NRXN1: variants seen among roughly 807,000 people sequenced by gnomAD.
The protein encoded by NRXN1 is neurexin-1.
Under a neutral mutation model 150.9 loss-of-function variants are expected in NRXN1, and 39 were observed. That is an observed-to-expected ratio of 0.26 (90% CI 0.20 to 0.34). The LOEUF (loss-of-function observed/expected upper bound fraction) is 0.34, where lower values mean the gene tolerates loss of function less well. Ranked by LOEUF, NRXN1 falls within the 10% of genes least tolerant of loss-of-function variation. NRXN1 has a pLI of 1.00. For synonymous variants in NRXN1, 924 were observed against 757.0 expected (o/e 1.22, Z -3.62); for missense variants, 1,815 against 1,949.9 (o/e 0.93, Z 1.30).
At chr2:50,419,966 C>T (rs1194245153) in intron 17 of NRXN1, among the ~76,000 whole-genome samples, 5 of 152,074 alleles carry the variant, frequency 3.3e-5, no homozygotes, top group Admixed American at 6.6e-5. Context: ...AAACAGAACA[C>T]GTGATCTGGC....
At chr2:50,588,151 G>A (rs911804879) in intron 8 of NRXN1, among the ~76,000 whole-genome samples, 4 of 152,110 alleles carry the variant, frequency 2.6e-5, no homozygotes, top group South Asian at 4.1e-4. Flanking sequence ...TATGTTCTAG[G>A]AGAGTTAAAA....
At chr2:50,232,479 T>G (rs548608539) in intron 18 of NRXN1, among the ~76,000 whole-genome samples, 39 of 149,102 alleles carry the variant, frequency 2.6e-4, no homozygotes, top group African/African-American at 9.1e-4. Context: ...CTCCACCTTC[T>G]GGGTTCAAAC....
chr2:50,612,249 G>C (rs1243283405), intron 8 of NRXN1, among the ~76,000 whole-genome samples: 1 of 104,254 alleles, frequency 9.6e-6, no homozygotes, highest in Non-Finnish European at 2.3e-5. Flanking sequence ...TTCATGCTTA[G>C]AGTATTACCT....
At chr2:50,215,379 CA>C (rs1271761873) in intron 18 of NRXN1, among the ~76,000 whole-genome samples, 1 of 152,006 alleles carries the variant, frequency 6.6e-6, no homozygotes, top group Non-Finnish European at 1.5e-5. Flanking sequence ...TAAAGCTCAA[CA>C]AATGAATCCA....
At chr2:49,982,887 T>C (rs944419130) in intron 21 of NRXN1, among the ~76,000 whole-genome samples, 2 of 152,146 alleles carry the variant, frequency 1.3e-5, no homozygotes, top group Non-Finnish European at 2.9e-5. Flanking sequence ...CTTGAAACAA[T>C]CTGTTAAACT....
At chr2:49,940,680 ATTTCTGCCC>A (rs1357812043) in intron 22 of NRXN1, among the ~76,000 whole-genome samples, 1 of 152,184 alleles carries the variant, frequency 6.6e-6, no homozygotes, top group Non-Finnish European at 1.5e-5. Context: ...AATAAAACCA[ATTTCTGCCC>A]AAAGAGCCAC....
chr2:50,534,130 T>A (rs376120207), intron 10 of NRXN1, among the ~76,000 whole-genome samples: 2 of 138,530 alleles, frequency 1.4e-5, no homozygotes, highest in East Asian at 4.2e-4. Context: ...CACACACACA[T>A]ACACACACAG....
At chr2:50,140,579 T>G (rs1286623089) in intron 18 of NRXN1, among the ~76,000 whole-genome samples, 1 of 152,054 alleles carries the variant, frequency 6.6e-6, no homozygotes, top group Non-Finnish European at 1.5e-5. Context: ...CTTCCCTGTT[T>G]CAAGGCAGTA....
intron 2 of NRXN1, among the ~76,000 whole-genome samples, chr2:50,965,899 G>C (rs922839587): frequency 1.3e-5 from 2 of 151,388 alleles, no homozygotes; most frequent in African/African-American, 4.8e-5. Flanking sequence ...TTAGTTTTAT[G>C]TATTTATATT....
intron 2 of NRXN1, among the ~76,000 whole-genome samples, chr2:50,926,796 A>G (rs930666241): frequency 2.0e-5 from 3 of 151,900 alleles, no homozygotes; most frequent in African/African-American, 7.2e-5. Flanking sequence ...ATGTTTTCAT[A>G]TATTTTGTTA....
intron 2 of NRXN1, among the ~76,000 whole-genome samples, chr2:51,005,341 T>C (rs900601125): frequency 1.3e-5 from 2 of 152,050 alleles, no homozygotes; most frequent in African/African-American, 4.8e-5. Context: ...TATACTGATA[T>C]TTCTATATGT....
At chr2:50,430,547 T>C (rs2084882279) in intron 17 of NRXN1, among the ~76,000 whole-genome samples, 1 of 152,172 alleles carries the variant, frequency 6.6e-6, no homozygotes, top group South Asian at 2.1e-4. Context: ...AGTGATGTCT[T>C]GGTATAGTTT....
chr2:50,876,973 C>T (rs1344093469), intron 5 of NRXN1, among the ~76,000 whole-genome samples: 1 of 151,796 alleles, frequency 6.6e-6, no homozygotes, highest in Non-Finnish European at 1.5e-5. Flanking sequence ...AGTTCAGTTA[C>T]TTCTTATTTT....
At chr2:50,358,506 C>T (rs1343908813) in intron 17 of NRXN1, among the ~76,000 whole-genome samples, 6 of 152,182 alleles carry the variant, frequency 3.9e-5, no homozygotes, top group Non-Finnish European at 5.9e-5. Context: ...ACCACAAAGC[C>T]GCTATAGCCA....
intron 5 of NRXN1, among the ~76,000 whole-genome samples, chr2:50,848,596 G>T (rs1199831527): frequency 1.3e-5 from 2 of 151,938 alleles, no homozygotes; most frequent in African/African-American, 4.8e-5. Context: ...AACCCTGTGG[G>T]GTTTTCAGTT....
intron 11 of NRXN1, among the ~76,000 whole-genome samples, chr2:50,530,458 A>T (rs2093069205): frequency 6.6e-6 from 1 of 152,198 alleles, no homozygotes; most frequent in African/African-American, 2.4e-5. Context: ...AAAAATAAAA[A>T]CTGCTTAAAC....
chr2:50,062,101 T>C (rs1694634090), intron 19 of NRXN1, among the ~76,000 whole-genome samples: 1 of 152,180 alleles, frequency 6.6e-6, no homozygotes, highest in Non-Finnish European at 1.5e-5. Context: ...ATCTGATGGC[T>C]TATATTTGGA....
At chr2:50,465,354 T>C (rs1212397470) in intron 17 of NRXN1, 88 bp downstream of exon 17, 3 of 1,321,108 alleles carry the variant, frequency 2.3e-6, no homozygotes, top group Admixed American at 4.7e-5. Context: ...TCAGAGTTAA[T>C]ATAAGGACTT....
chr2:50,439,710 G>A (rs541970828), intron 17 of NRXN1, among the ~76,000 whole-genome samples: 4 of 151,716 alleles, frequency 2.6e-5, no homozygotes, highest in South Asian at 2.1e-4. Flanking sequence ...CCAGCTACTC[G>A]GGAGGCTGAG....
Sources: gnomAD v4.1 joint callset for allele counts (sites outside exome capture counted in the v4.1 genomes callset) on GRCh38, gnomAD v4.1.1 for gene constraint, MANE v1.5 for transcripts, NCBI Gene and HGNC (gene_info 2026-07-23, HGNC 2026-07-21) for gene names.